The following ATP8B4 variants were observed in gnomAD, a reference collection of about 807,000 sequenced individuals.
ATP8B4 encodes ATPase phospholipid transporting 8B4 (putative), also known as probable phospholipid-transporting ATPase IM.
In ATP8B4, 133 loss-of-function variants were observed where a neutral mutation model predicts 145.6. That is an observed-to-expected ratio of 0.91 (90% CI 0.79 to 1.05). ATP8B4 has a LOEUF of 1.05. ATP8B4 is among the 50% of genes least tolerant of loss of function. The pLI, the probability that ATP8B4 is intolerant of heterozygous loss-of-function variation, is 0.00. For missense variants in ATP8B4, 1,458 were observed against 1,425.2 expected (o/e 1.02, Z -0.37); for synonymous variants, 507 against 492.9 (o/e 1.03, Z -0.38).
chr15:50,117,087 G>A (rs750173081), intron 1 of ATP8B4, among the ~76,000 whole-genome samples: 7 of 152,004 alleles, frequency 4.6e-5, no homozygotes, highest in Non-Finnish European at 8.8e-5. Context: ...GTCTCGCTCT[G>A]TCACCCAGGC....
chr15:50,050,589 A>G (rs1026356110), intron 3 of ATP8B4, among the ~76,000 whole-genome samples: 1 of 151,950 alleles, frequency 6.6e-6, no homozygotes, highest in Non-Finnish European at 1.5e-5. Flanking sequence ...TGCCTTTTAT[A>G]TGTTCTTCCA....
chr15:50,063,845 T>C (rs1009108701), intron 3 of ATP8B4, among the ~76,000 whole-genome samples: 1 of 152,146 alleles, frequency 6.6e-6, no homozygotes, highest in Non-Finnish European at 1.5e-5. Context: ...ATCTGAAGTG[T>C]TGTTGCATGA....
intron 1 of ATP8B4, among the ~76,000 whole-genome samples, chr15:50,177,606 C>T (rs1173468792): frequency 1.3e-5 from 2 of 152,170 alleles, no homozygotes; most frequent in Non-Finnish European, 2.9e-5. Flanking sequence ...CTCCCAGAGC[C>T]CCTTTCCCAC....
At chr15:50,165,090 C>T (rs937519744) in intron 1 of ATP8B4, among the ~76,000 whole-genome samples, 1 of 151,612 alleles carries the variant, frequency 6.6e-6, no homozygotes, top group African/African-American at 2.4e-5. Flanking sequence ...CGCTCTGTTA[C>T]CCATGCTGAA....
Position 49,934,056 on chromosome 15 carries a change from CA to C in ATP8B4, c.1413del (p.Ala472LeufsTer6), listed in dbSNP as rs774985686. 84 of 1,612,408 alleles carry C rather than the reference CA, an allele frequency of 5.2e-5. No individual in the cohort carries two copies. Among genetic ancestry groups the C allele is most frequent in the Non-Finnish European group, 6.4e-5 (75 of 1,179,098 alleles). On this transcript the variant is annotated frameshift_variant, in exon 15 of 28. Coordinates refer to ENST00000284509, the MANE Select transcript of ATP8B4 (RefSeq NM_024837.4). LOFTEE classifies it high-confidence loss of function. ...DPKVHEFLRL[L>X]ALCHTVMSEE... ...TCTGACATTACAGTGTGGCAGAGAG[CA>C]AGTAACCTAAGGAATTCATGAACTT... is the stretch of plus-strand genomic sequence containing the variant.
At chr15:49,919,954 T>C (rs1201243655) in intron 18 of ATP8B4, among the ~76,000 whole-genome samples, 16 of 152,054 alleles carry the variant, frequency 1.1e-4, no homozygotes, top group Admixed American at 9.2e-4. Flanking sequence ...AAAGTAAAAA[T>C]CCCATAACAT....
chr15:49,984,133 T>G (rs1302004235), intron 10 of ATP8B4, among the ~76,000 whole-genome samples: 1 of 152,198 alleles, frequency 6.6e-6, no homozygotes, highest in Non-Finnish European at 1.5e-5. Context: ...ACTAACAAAT[T>G]AGGTACTATT....
chr15:50,104,878 C>CACACACAG (rs1567370501), intron 2 of ATP8B4, among the ~76,000 whole-genome samples: 21 of 150,938 alleles, frequency 1.4e-4, no homozygotes, highest in East Asian at 1.9e-4. Context: ...CACACACACA[C>CACACACAG]ACACACACAC....
At chr15:49,862,117 A>T in intron 27 of ATP8B4, 128 bp downstream of exon 27, 3 of 1,197,982 alleles carry the variant, frequency 2.5e-6, no homozygotes, top group Non-Finnish European at 3.5e-6. Context: ...ATGTGATCTC[A>T]TGCACCAGTA....
At chr15:50,052,178 T>C (rs2052237935) in intron 3 of ATP8B4, among the ~76,000 whole-genome samples, 1 of 152,366 alleles carries the variant, frequency 6.6e-6, no homozygotes, top group South Asian at 2.1e-4. Context: ...TCATAGGCTA[T>C]AGGCCTACAG....
In ATP8B4 at chr15:49,903,777, C is replaced by A. The variant is rs137902267; in HGVS notation, c.2142-2538G>T. 2.4e-3 allele frequency among the ~76,000 whole-genome samples: 371 copies of A among 152,198 alleles called. 2 individuals carry two copies. The highest frequency in any genetic ancestry group is 8.5e-3 in the African/African-American group (351 of 41,530). On this transcript the variant is annotated intron_variant, in intron 20 of 27. Coordinates refer to ENST00000284509, the MANE Select transcript of ATP8B4 (RefSeq NM_024837.4). ...GGCTTGGTGGCACATGCCTGTAATC[C>A]TAGCTACTCGGGAGGCTGAGGCAGG...
chr15:50,156,081 T>TATATATATAAATATATATATATAA (rs2044408934), intron 1 of ATP8B4, among the ~76,000 whole-genome samples: 1 of 16,962 alleles, frequency 5.9e-5, no homozygotes, highest in African/African-American at 1.4e-4. Context: ...TAAATATATA[T>TATATATATAAATATATATATATAA]ATATATATAT....
Position 50,044,622 on chromosome 15 carries a change from G to C in ATP8B4, c.272C>G (p.Thr91Arg). Residue 91 changes from threonine (T) to arginine (R), a missense_variant, in exon 5 of 28, where the codon ACA becomes AGA. Coordinates refer to ENST00000284509, the MANE Select transcript of ATP8B4 (RefSeq NM_024837.4). ...IVPLVLVITM[T>R]AVKDATDDYF... is the part of the protein sequence containing the mutation. ...GTCATCTGTGGCATCTTTGACAGCT[G>C]TCATAGTTATCACCAGGACCAAAGG... 1 of 1,612,816 alleles carries C rather than the reference G, an allele frequency of 6.2e-7. No homozygotes were observed. The highest frequency in any genetic ancestry group is 8.5e-7 in the Non-Finnish European group (1 of 1,179,162).
At chr15:49,940,871 A>G (rs1277180039) in intron 14 of ATP8B4, among the ~76,000 whole-genome samples, 1 of 152,200 alleles carries the variant, frequency 6.6e-6, no homozygotes, top group Non-Finnish European at 1.5e-5. Flanking sequence ...TAGATTTTTG[A>G]CTTGTTCATC....
chr15:50,148,890 G>A (rs191141350), intron 1 of ATP8B4, among the ~76,000 whole-genome samples: 89 of 152,256 alleles, frequency 5.8e-4, no homozygotes, highest in African/African-American at 2.0e-3. Context: ...TAAGTGATAC[G>A]TACTGAAAGT....
intron 7 of ATP8B4, among the ~76,000 whole-genome samples, chr15:50,008,860 C>T (rs898631399): frequency 1.3e-5 from 2 of 152,192 alleles, no homozygotes; most frequent in African/African-American, 4.8e-5. Context: ...GGGCTCCTAA[C>T]ACTCATTGTT....
chr15:50,146,549 G>A (rs1402726736), intron 1 of ATP8B4, among the ~76,000 whole-genome samples: 1 of 152,196 alleles, frequency 6.6e-6, no homozygotes. Context: ...GTTTGTCTTT[G>A]GTAGTGGTAT....
intron 5 of ATP8B4, among the ~76,000 whole-genome samples, chr15:50,039,105 T>A (rs2051069766): frequency 6.6e-6 from 1 of 152,216 alleles, no homozygotes; most frequent in Non-Finnish European, 1.5e-5. Flanking sequence ...AAGAAGACAA[T>A]ATGCTCTCTA....
At chr15:50,147,567 C>T (rs756645320) in intron 1 of ATP8B4, among the ~76,000 whole-genome samples, 11 of 152,080 alleles carry the variant, frequency 7.2e-5, no homozygotes, top group South Asian at 2.1e-4. Flanking sequence ...CAGGATCCCA[C>T]GGAGAAATGG....
Sources: gnomAD v4.1 joint callset for allele counts (sites outside exome capture counted in the v4.1 genomes callset) on GRCh38, gnomAD v4.1.1 for gene constraint, MANE v1.5 for transcripts, NCBI Gene and HGNC (gene_info 2026-07-23, HGNC 2026-07-21) for gene names.